Variants in GFPT1 observed in about 807,000 individuals in gnomAD.
The protein encoded by GFPT1 is glutamine--fructose-6-phosphate transaminase 1, also known as glutamine--fructose-6-phosphate aminotransferase [isomerizing] 1.
In GFPT1, 40 loss-of-function variants were observed where a neutral mutation model predicts 92.0. The ratio of observed to expected loss-of-function variants is 0.43; its 90% confidence interval spans 0.34 to 0.57. The LOEUF (loss-of-function observed/expected upper bound fraction) is 0.57. Ranked by LOEUF, GFPT1 falls within the 20% of genes least tolerant of loss-of-function variation. The pLI is 0.02. For synonymous variants in GFPT1, 269 were observed against 280.6 expected (o/e 0.96, Z 0.41); for missense variants, 448 against 869.1 (o/e 0.52, Z 6.09).
At chr2:69,369,105 A>G (rs1307105928) in intron 3 of GFPT1, among the ~76,000 whole-genome samples, 1 of 152,244 alleles carries the variant, frequency 6.6e-6, no homozygotes, top group Non-Finnish European at 1.5e-5. Flanking sequence ...CATAGTAGAT[A>G]TTTATACTAC....
rs776490767 is a variant in GFPT1, at chr2:69,358,389, G to A, written c.483C>T (p.Asp161=). The change falls in exon 6 of 20, where the codon GAC becomes GAT. Residue 161 remains aspartate (D), a synonymous_variant. Coordinates refer to ENST00000357308, the MANE Select transcript of GFPT1 (RefSeq NM_001244710.2). ...AGCTGGTATCTTGACTTTCCCGATT[G>A]TCATACATATACTTAACGAGCTTGG... ...TIAKLVKYMY[D]NRESQDTSFT... 5.6e-6 allele frequency: 9 copies of A among 1,610,062 alleles called. No homozygotes were observed. The highest frequency in any genetic ancestry group is 7.6e-6 in the Non-Finnish European group (9 of 1,176,700).
rs1012679406 is a variant in GFPT1 at position 69,326,860 on chromosome 2, A to T, written c.2055+54T>A. On this transcript the variant is annotated intron_variant, in intron 19 of 19. Transcript: ENST00000357308. The stretch of plus-strand genomic sequence containing the variant: ...TAAAAATTTAGGAGAAAAAAATCAG[A>T]ATGTATCCAGGTAAAAAACCATCCC... The T allele has an allele frequency of 3.3e-6, 5 of 1,532,114 alleles. No homozygotes were observed. The South Asian group carries it at 5.6e-5, about 17-fold the overall frequency. 94.9% of individuals were successfully genotyped at this position (1,532,114 alleles called of 1,614,324 possible). A position where few individuals can be genotyped will look rare whatever the true frequency, so the allele number is the denominator to read the frequency against.
chr2:69,358,259 A>C, intron 6 of GFPT1, 70 bp downstream of exon 6: 1 of 1,351,050 alleles, frequency 7.4e-7, no homozygotes. Flanking sequence ...CCTGCTTATC[A>C]AACTTAATTT....
intron 2 of GFPT1, among the ~76,000 whole-genome samples, chr2:69,372,108 G>A (rs1671764716): frequency 6.7e-6 from 1 of 149,492 alleles, no homozygotes; most frequent in Non-Finnish European, 1.5e-5. Context: ...GGTGAGGCAG[G>A]AGAATTGCTT....
At chr2:69,350,001 ACACAATGACTTCTT>A in intron 10 of GFPT1, 63 bp downstream of exon 10, 1 of 960,632 alleles carries the variant, frequency 1.0e-6, no homozygotes, top group South Asian at 1.4e-5. Context: ...CTAGACTGAT[ACACAATGACTTCTT>A]GGGTTTCCTG....
At chr2:69,351,103 T>TA (rs912021753) in intron 9 of GFPT1, among the ~76,000 whole-genome samples, 5 of 152,176 alleles carry the variant, frequency 3.3e-5, no homozygotes, top group African/African-American at 1.2e-4. Flanking sequence ...CACCCACTGT[T>TA]AGAGACAAAA....
At chr2:69,363,305 T>C (rs1671521175) in intron 4 of GFPT1, among the ~76,000 whole-genome samples, 1 of 152,144 alleles carries the variant, frequency 6.6e-6, no homozygotes, top group African/African-American at 2.4e-5. Flanking sequence ...GGTCTCACTA[T>C]GTTGCCACGG....
rs183175879 is a variant in GFPT1 at position 69,377,060 on chromosome 2, T to C, written c.8-2947A>G. Among the ~76,000 whole-genome samples the C allele has an allele frequency of 5.9e-5, 9 of 151,430 alleles. No individual in the cohort carries two copies. In the East Asian group the frequency reaches 1.8e-3, roughly 30 times the overall value. ...TCCGTCTCCACAAAAATACCAAAAT[T>C]AGCCAGGCATGATGGCAGGTGCCTG... On this transcript the variant is annotated intron_variant, in intron 1 of 19. Coordinates refer to ENST00000357308, the MANE Select transcript of GFPT1 (RefSeq NM_001244710.2).
At chr2:69,342,108 A>G (rs750785756) in intron 13 of GFPT1, 44 bp downstream of exon 13, 4 of 998,990 alleles carry the variant, frequency 4.0e-6, no homozygotes, top group East Asian at 4.8e-5. Flanking sequence ...GTCTACAGAT[A>G]TTCTCTAATA....
At chr2:69,327,973 C>T (rs1292538353) in intron 18 of GFPT1, among the ~76,000 whole-genome samples, 2 of 151,776 alleles carry the variant, frequency 1.3e-5, no homozygotes, top group African/African-American at 4.8e-5. Context: ...GTGGAGTGTG[C>T]CTGTAATCCC....
chr2:69,374,071 C>T lies in GFPT1; in HGVS notation c.50G>A (p.Arg17Gln), dbSNP rs775399768. Residue 17 changes from arginine (R) to glutamine (Q), a missense_variant, in exon 2 of 20, where the codon CGA (arginine) becomes CAA (glutamine). This residue lies in a region of GFPT1 where 72 missense variants were observed against 95.1 expected (regional missense o/e 0.76). Transcript: ENST00000357308. ...YLNYHVPRTR[R>Q]EILETLIKGL... The stretch of plus-strand genomic sequence containing the variant: ...TTTGATTAGGGTCTCCAGGATTTCT[C>T]GTCTCGTTCGAGGAACATGGTAGTT... 6.3e-7 allele frequency: 1 copy of T among 1,598,910 alleles called. No individual in the cohort carries two copies. Among genetic ancestry groups the T allele is most frequent in the Non-Finnish European group, 8.6e-7 (1 of 1,167,180 alleles).
Position 69,323,000 on chromosome 2 carries a change from A to G in GFPT1, c.*3189T>C, listed in dbSNP as rs533760800. The G allele has an allele frequency of 1.3e-5, 2 of 152,222 alleles. No homozygotes were observed. Among genetic ancestry groups the G allele is most frequent in the Admixed American group, 6.5e-5 (1 of 15,284 alleles). 9.4% of individuals were successfully genotyped at this position (152,222 alleles called of 1,614,324 possible). A position where few individuals can be genotyped will look rare whatever the true frequency, so the allele number is the denominator to read the frequency against. Reference sequence around the variant, plus strand: ...ACAAATACTGCTTTAAAGATGATGTAATTTTCAATGCCAACCACAGTGACT... The same window carrying G: ...ACAAATACTGCTTTAAAGATGATGTGATTTTCAATGCCAACCACAGTGACT... On this transcript the variant is annotated 3_prime_UTR_variant, in exon 20 of 20. Coordinates refer to ENST00000357308, the MANE Select transcript of GFPT1 (RefSeq NM_001244710.2).
At position 69,350,203 on chromosome 2, in the gene GFPT1, T is replaced by C. The variant is rs376729329; in HGVS notation, c.740-20A>G. ...CTTTGCCTAAAGCATATAGTTAACA[T>C]GAATTGGCAAACATGTAGAAAATCA... On this transcript the variant is annotated intron_variant, in intron 9 of 19. Coordinates refer to ENST00000357308, the MANE Select transcript of GFPT1 (RefSeq NM_001244710.2). 2.0e-6 allele frequency: 3 copies of C among 1,475,238 alleles called. No individual in the cohort carries two copies. Among genetic ancestry groups the C allele is most frequent in the Non-Finnish European group, 1.9e-6 (2 of 1,053,264 alleles). 91.4% of individuals were successfully genotyped at this position (1,475,238 alleles called of 1,614,324 possible).
chr2:69,361,962 G>A (rs907160285), intron 4 of GFPT1, among the ~76,000 whole-genome samples: 3 of 152,128 alleles, frequency 2.0e-5, no homozygotes, highest in Admixed American at 2.0e-4. Flanking sequence ...CTGGGTGGAG[G>A]AGTGAGACCC....
chr2:69,330,432 G>A (rs920713265), intron 15 of GFPT1, among the ~76,000 whole-genome samples: 3 of 151,722 alleles, frequency 2.0e-5, no homozygotes, highest in Admixed American at 6.6e-5. Context: ...TTAGTTTTTG[G>A]TGTAAGTCAA....
At chr2:69,370,319 A>C (rs1671715668) in intron 2 of GFPT1, among the ~76,000 whole-genome samples, 2 of 152,240 alleles carry the variant, frequency 1.3e-5, no homozygotes, top group South Asian at 4.1e-4. Context: ...CCTGTCCTCA[A>C]ATTTCTAAGT....
intron 1 of GFPT1, among the ~76,000 whole-genome samples, chr2:69,384,576 G>A (rs1240190691): frequency 6.6e-6 from 1 of 151,292 alleles, no homozygotes; most frequent in Non-Finnish European, 1.5e-5. Flanking sequence ...GCCAGGTGTG[G>A]TGGTACACCC....
chr2:69,336,722 G>A (rs1670809225), intron 15 of GFPT1, among the ~76,000 whole-genome samples: 1 of 151,146 alleles, frequency 6.6e-6, no homozygotes, highest in Admixed American at 6.6e-5. Flanking sequence ...CCATGAGTCT[G>A]AGGCTGCAGG....
At position 69,357,423 on chromosome 2, in the gene GFPT1, T is replaced by A. The variant is rs186187509; in HGVS notation, c.544-866A>T. Among the ~76,000 whole-genome samples, 189 of 152,016 alleles carry A rather than the reference T, an allele frequency of 1.2e-3. 1 individual carries two copies. The highest frequency in any genetic ancestry group is 4.4e-3 in the African/African-American group (181 of 41,450). On this transcript the variant is annotated intron_variant, in intron 6 of 19. Coordinates refer to ENST00000357308, the MANE Select transcript of GFPT1 (RefSeq NM_001244710.2). ...GAACAGATAAAAGAGGAACATGAAGTAGGAGAGGGAAGAACCACCTTGGAA... is the reference window on the plus strand; with the variant it reads ...GAACAGATAAAAGAGGAACATGAAGAAGGAGAGGGAAGAACCACCTTGGAA...
Sources: allele counts gnomAD v4.1 joint callset (sites outside exome capture counted in the v4.1 genomes callset), GRCh38; gene constraint gnomAD v4.1.1; regional missense constraint gnomAD v4.1.1; transcripts MANE v1.5; gene names NCBI Gene and HGNC (gene_info 2026-07-23, HGNC 2026-07-21).